The following SGCD variants were observed in gnomAD, a reference collection of about 807,000 sequenced individuals.
SGCD encodes delta-sarcoglycan.
In SGCD, 18 loss-of-function variants were observed where a neutral mutation model predicts 36.6. The observed-to-expected ratio is 0.49, with a 90% CI of 0.34 to 0.73. The LOEUF (loss-of-function observed/expected upper bound fraction) is 0.73. SGCD is among the 30% of genes least tolerant of loss of function. SGCD has a pLI of 0.01. For synonymous variants in SGCD, 133 were observed against 130.6 expected (o/e 1.02, Z -0.12); for missense variants, 387 against 346.7 (o/e 1.12, Z -0.92).
At chr5:156,737,755 A>G (rs993933882) in intron 7 of SGCD, among the ~76,000 whole-genome samples, 2 of 152,216 alleles carry the variant, frequency 1.3e-5, no homozygotes, top group Non-Finnish European at 2.9e-5. Context: ...TACATTGACT[A>G]TTAATCTTCC....
chr5:156,746,751 TAAAGATTCTAGAAGA>T (rs1756953076), intron 7 of SGCD, among the ~76,000 whole-genome samples: 1 of 152,170 alleles, frequency 6.6e-6, no homozygotes. Flanking sequence ...GCTAAAACTA[TAAAGATTCTAGAAGA>T]AAACATGGGA....
At chr5:156,395,142 G>A (rs1429506281) in intron 3 of SGCD, among the ~76,000 whole-genome samples, 1 of 152,198 alleles carries the variant, frequency 6.6e-6, no homozygotes, top group Non-Finnish European at 1.5e-5. Flanking sequence ...GCTTGCTGTC[G>A]TAAGAGAGTC....
At chr5:155,731,429 A>G in the SGCD span, among the ~76,000 whole-genome samples, 6 of 152,150 alleles carry the variant, frequency 3.9e-5, no homozygotes, top group Non-Finnish European at 8.8e-5. Context: ...TAATTTTCGT[A>G]AACCATGCTG....
At chr5:156,144,555 C>T (rs1762666418) in intron 3 of SGCD, among the ~76,000 whole-genome samples, 2 of 152,300 alleles carry the variant, frequency 1.3e-5, no homozygotes, top group Admixed American at 6.5e-5. Context: ...AGTGTCTGTT[C>T]ATATCCTTCG....
chr5:156,045,840 C>A (rs979594555), intron 1 of SGCD, among the ~76,000 whole-genome samples: 5 of 152,090 alleles, frequency 3.3e-5, no homozygotes, highest in African/African-American at 4.8e-5. Context: ...TCCTTAGAGG[C>A]CCCCCTCCAA....
intron 3 of SGCD, among the ~76,000 whole-genome samples, chr5:156,364,064 G>T (rs1024391180): frequency 6.6e-6 from 1 of 152,148 alleles, no homozygotes; most frequent in African/African-American, 2.4e-5. Context: ...GGGAGGTATG[G>T]GCAGCAGAGT....
intron 1 of SGCD, among the ~76,000 whole-genome samples, chr5:155,874,936 G>T (rs961743264): frequency 1.3e-5 from 2 of 152,020 alleles, no homozygotes; most frequent in African/African-American, 4.8e-5. Flanking sequence ...TAAAGAAAGC[G>T]TATGTCCACA....
At chr5:156,125,399 T>C (rs1762146063) in intron 3 of SGCD, among the ~76,000 whole-genome samples, 1 of 151,966 alleles carries the variant, frequency 6.6e-6, no homozygotes, top group African/African-American at 2.4e-5. Flanking sequence ...TGGTGTATGC[T>C]CTTAGCTAGT....
chr5:155,790,780 A>G, the SGCD span, among the ~76,000 whole-genome samples: 1 of 152,120 alleles, frequency 6.6e-6, no homozygotes, highest in Non-Finnish European at 1.5e-5. Flanking sequence ...ATACATACTC[A>G]GGGCAGCATT....
intron 6 of SGCD, among the ~76,000 whole-genome samples, chr5:156,629,087 A>G (rs1762535641): frequency 6.6e-6 from 1 of 152,228 alleles, no homozygotes; most frequent in South Asian, 2.1e-4. Context: ...TGCAGAGGGA[A>G]ATGATGAGAG....
At chr5:156,477,685 C>CAAA (rs11411986) in intron 3 of SGCD, among the ~76,000 whole-genome samples, 65 of 102,110 alleles carry the variant, frequency 6.4e-4, no homozygotes, top group African/African-American at 1.9e-3. Context: ...AGTATTTGAG[C>CAAA]AAAAAAAAAA....
intron 3 of SGCD, among the ~76,000 whole-genome samples, chr5:156,127,409 G>A (rs1343624169): frequency 6.6e-6 from 1 of 152,044 alleles, no homozygotes; most frequent in African/African-American, 2.4e-5. Context: ...TTCAAGACCA[G>A]CCTGGGCAAC....
intron 6 of SGCD, among the ~76,000 whole-genome samples, chr5:156,643,055 G>A (rs564074773): frequency 1.5e-4 from 19 of 130,062 alleles, no homozygotes; most frequent in East Asian, 2.3e-4. Context: ...TTTTTGAAAC[G>A]GAGTTTCACC....
chr5:156,570,498 T>C (rs1443068535), intron 4 of SGCD, among the ~76,000 whole-genome samples: 1 of 152,252 alleles, frequency 6.6e-6, no homozygotes, highest in African/African-American at 2.4e-5. Flanking sequence ...TTAAGCTACA[T>C]TGATAGATAC....
At chr5:155,849,166 G>A in the SGCD span, among the ~76,000 whole-genome samples, 44 of 152,194 alleles carry the variant, frequency 2.9e-4, no homozygotes, top group East Asian at 1.7e-3. Context: ...AACTAATGTC[G>A]TAATGGTAAC....
intron 3 of SGCD, among the ~76,000 whole-genome samples, chr5:156,316,233 C>T (rs1767515722): frequency 6.6e-6 from 1 of 151,774 alleles, no homozygotes; most frequent in Non-Finnish European, 1.5e-5. Flanking sequence ...AAAAATATAA[C>T]TAGAAATAAA....
intron 1 of SGCD, among the ~76,000 whole-genome samples, chr5:156,038,834 C>G (rs1056200936): frequency 2.0e-5 from 3 of 152,118 alleles, no homozygotes; most frequent in African/African-American, 7.2e-5. Context: ...CACATTGAGG[C>G]TGTTTTAATT....
chr5:156,396,216 A>G (rs1033214157), intron 3 of SGCD, among the ~76,000 whole-genome samples: 1 of 152,182 alleles, frequency 6.6e-6, no homozygotes, highest in Non-Finnish European at 1.5e-5. Flanking sequence ...AGAATGCACT[A>G]TCATGTCATT....
At chr5:156,005,785 C>T (rs1470906990) in intron 1 of SGCD, among the ~76,000 whole-genome samples, 1 of 152,092 alleles carries the variant, frequency 6.6e-6, no homozygotes, top group Non-Finnish European at 1.5e-5. Flanking sequence ...TTGTTTTTAA[C>T]CATGCGGGCA....
Sources: gnomAD v4.1 joint callset for allele counts (sites outside exome capture counted in the v4.1 genomes callset) on GRCh38, gnomAD v4.1.1 for gene constraint, MANE v1.5 for transcripts, NCBI Gene and HGNC (gene_info 2026-07-23, HGNC 2026-07-21) for gene names.